HECW1: variants seen among roughly 807,000 people sequenced by gnomAD.
The protein encoded by HECW1 is E3 ubiquitin-protein ligase HECW1.
HECW1 carries 61 observed loss-of-function variants against 182.3 expected under a neutral mutation model. The ratio of observed to expected loss-of-function variants is 0.33; its 90% confidence interval spans 0.27 to 0.41. The LOEUF is 0.41. HECW1 is among the 10% of genes least tolerant of loss of function. The pLI, the probability that HECW1 is intolerant of heterozygous loss-of-function variation, is 1.00. For synonymous variants in HECW1, 859 were observed against 832.6 expected, an observed-to-expected ratio of 1.03 and a Z score of -0.55; for missense variants, 1,739 against 2,108.9, an observed-to-expected ratio of 0.82 and a Z score of 3.44.
At chr7:43,552,682 T>C (rs147105564) in intron 28 of HECW1, among the ~76,000 whole-genome samples, 12 of 152,372 alleles carry the variant, frequency 7.9e-5, no homozygotes, top group African/African-American at 2.6e-4. Flanking sequence ...GTCTTTCGTG[T>C]CTGGCTTCTT....
At chr7:43,208,206 T>C (rs1217504929) in intron 2 of HECW1, among the ~76,000 whole-genome samples, 1 of 152,214 alleles carries the variant, frequency 6.6e-6, no homozygotes, top group African/African-American at 2.4e-5. Flanking sequence ...TTCTCAAATC[T>C]TTTTTCCAAT....
In HECW1 at chr7:43,223,559, AAGCG is replaced by A. The variant is rs1442347266; in HGVS notation, c.-31-20312_-31-20309del. Among the ~76,000 whole-genome samples, 3 of 152,070 alleles carry A rather than the reference AAGCG, an allele frequency of 2.0e-5. No individual in the cohort carries two copies. The East Asian group carries it at 5.8e-4, about 29-fold the overall frequency. On this transcript the variant is annotated intron_variant, in intron 2 of 29. Transcript: ENST00000395891. Reference sequence around the variant, plus strand: ...GCTTGAACCTGGGAGGTGGAAGTTGAAGCGAGCTGAGATTGCACCATTCCACTCC... The same window carrying A: ...GCTTGAACCTGGGAGGTGGAAGTTGAAGCTGAGATTGCACCATTCCACTCC...
intron 3 of HECW1, among the ~76,000 whole-genome samples, chr7:43,290,143 C>T (rs545872633): frequency 6.6e-6 from 1 of 152,302 alleles, no homozygotes; most frequent in African/African-American, 2.4e-5. Flanking sequence ...AAGTGAAGGC[C>T]TGTCTGCATT....
chr7:43,532,647 T>C (rs1467488347), intron 24 of HECW1, among the ~76,000 whole-genome samples: 1 of 152,182 alleles, frequency 6.6e-6, no homozygotes, highest in Non-Finnish European at 1.5e-5. Context: ...CCCCAGCTTG[T>C]GATGCTCATT....
chr7:43,251,052 G>T (rs1461270963), intron 3 of HECW1, among the ~76,000 whole-genome samples: 1 of 152,164 alleles, frequency 6.6e-6, no homozygotes, highest in Non-Finnish European at 1.5e-5. Flanking sequence ...TGGTGTCAGG[G>T]ACCCCACCCC....
intron 3 of HECW1, among the ~76,000 whole-genome samples, chr7:43,253,130 TA>T (rs759995754): frequency 0.067 from 8,655 of 128,688 alleles, 279 homozygotes; most frequent in South Asian, 0.13. Flanking sequence ...ATCCGCACTT[TA>T]AAAAAAAAAA....
intron 7 of HECW1, among the ~76,000 whole-genome samples, chr7:43,401,567 GTT>G (rs10574466): frequency 0.02 from 2,434 of 123,180 alleles, 68 homozygotes; most frequent in African/African-American, 0.06. Flanking sequence ...ATTTAAAAAG[GTT>G]TTTTTTTTTT....
rs146886001 is a variant in HECW1, at chr7:43,527,947, A to G, written c.4020-13216A>G. On this transcript the variant is annotated intron_variant, in intron 24 of 29. Transcript: ENST00000395891. The stretch of plus-strand genomic sequence containing the variant: ...AAAAAGTCAACCTGGAGAACTAATG[A>G]CTGAGGCTCAGACAACGGTAAAATA... Among the ~76,000 whole-genome samples, 589 of 152,352 alleles carry G rather than the reference A, an allele frequency of 3.9e-3. 1 individual carries two copies. Among genetic ancestry groups the G allele is most frequent in the African/African-American group, 0.013 (551 of 41,580 alleles).
intron 6 of HECW1, among the ~76,000 whole-genome samples, chr7:43,381,591 T>A (rs1024896880): frequency 2.0e-5 from 3 of 151,812 alleles, no homozygotes; most frequent in African/African-American, 2.4e-5. Context: ...CGGGTGATTC[T>A]CCTGTCTCCT....
intron 3 of HECW1, among the ~76,000 whole-genome samples, chr7:43,280,402 A>C (rs1803738119): frequency 6.6e-6 from 1 of 152,182 alleles, no homozygotes; most frequent in Non-Finnish European, 1.5e-5. Flanking sequence ...ATCCACTCCA[A>C]AAAAGGGCGA....
At chr7:43,349,097 C>T (rs892488748) in intron 5 of HECW1, among the ~76,000 whole-genome samples, 2 of 152,098 alleles carry the variant, frequency 1.3e-5, no homozygotes, top group South Asian at 2.1e-4. Context: ...TGCAATGGCG[C>T]ACTCTCGGCT....
At chr7:43,507,292 A>G in intron 22 of HECW1, 35 bp downstream of exon 22, 1 of 1,603,356 alleles carries the variant, frequency 6.2e-7, no homozygotes, top group Non-Finnish European at 8.5e-7. Flanking sequence ...GAATTCAGAC[A>G]GTAGATTTTT....
intron 16 of HECW1, among the ~76,000 whole-genome samples, chr7:43,474,177 C>T (rs765295931): frequency 5.9e-5 from 9 of 152,116 alleles, no homozygotes; most frequent in East Asian, 1.9e-4. Context: ...GGGCCAGGCG[C>T]GGTGGCTCAC....
At chr7:43,465,926 AGAAGAAAG>A (rs1343628893) in intron 14 of HECW1, among the ~76,000 whole-genome samples, 22 of 150,160 alleles carry the variant, frequency 1.5e-4, no homozygotes, top group African/African-American at 2.9e-4. Context: ...GAAGAAAGAA[AGAAGAAAG>A]GAAGAAAGGA....
intron 4 of HECW1, among the ~76,000 whole-genome samples, chr7:43,320,071 A>G (rs1165281319): frequency 6.6e-6 from 1 of 152,144 alleles, no homozygotes; most frequent in Non-Finnish European, 1.5e-5. Context: ...CATCTGGCAG[A>G]TGGTTAGATT....
At chr7:43,160,388 A>G (rs1161217722) in intron 2 of HECW1, among the ~76,000 whole-genome samples, 1 of 152,146 alleles carries the variant, frequency 6.6e-6, no homozygotes, top group Non-Finnish European at 1.5e-5. Context: ...CGGTTAGAAA[A>G]ATGAGAGCTG....
At chr7:43,340,972 T>G (rs756833794) in intron 5 of HECW1, among the ~76,000 whole-genome samples, 2 of 151,724 alleles carry the variant, frequency 1.3e-5, no homozygotes, top group African/African-American at 4.9e-5. Flanking sequence ...TGGAATACTA[T>G]GCAGCCATAA....
At chr7:43,516,288 G>C (rs1366944021) in intron 24 of HECW1, among the ~76,000 whole-genome samples, 4 of 152,158 alleles carry the variant, frequency 2.6e-5, no homozygotes, top group Admixed American at 2.6e-4. Flanking sequence ...AAGAAGACAG[G>C]CTGGACAGAT....
rs201984876 is a variant in HECW1, at chr7:43,444,888, C to T, written c.1716C>T (p.Ser572=). ...ACACCCTGCTGCACAGCATGCCCTC[C>T]GCCCAGGGCGGCAGCGCGGCAGAGG... is the stretch of plus-strand genomic sequence containing the variant. The part of the protein sequence containing the change: ...RIHTLLHSMP[S]AQGGSAAEEE... Residue 572 remains serine, a synonymous_variant, in exon 11 of 30, where the codon TCC becomes TCT. Coordinates refer to ENST00000395891, the MANE Select transcript of HECW1 (RefSeq NM_015052.5). The surrounding 1 kb of genome is among the most constrained non-coding windows in gnomAD (Gnocchi z 4.3). 2.5e-5 allele frequency: 40 copies of T among 1,605,714 alleles called. No homozygotes were observed. The Admixed American group carries it at 2.5e-4, about 10-fold the overall frequency.
Sources: allele counts gnomAD v4.1 joint callset (sites outside exome capture counted in the v4.1 genomes callset), GRCh38; gene constraint gnomAD v4.1.1; non-coding constraint Gnocchi (gnomAD v3.1); transcripts MANE v1.5; gene names NCBI Gene and HGNC (gene_info 2026-07-23, HGNC 2026-07-21).